The following ANKRD28 variants were observed in gnomAD, a reference collection of about 807,000 sequenced individuals.
ANKRD28 encodes serine/threonine-protein phosphatase 6 regulatory ankyrin repeat subunit A.
ANKRD28 carries 44 observed loss-of-function variants against 126.5 expected under a neutral mutation model. The observed-to-expected ratio is 0.35, with a 90% CI of 0.27 to 0.45. ANKRD28 has a LOEUF of 0.45. Among genes scored for constraint, ANKRD28 ranks in the 20% least tolerant of loss-of-function variants. The probability of loss-of-function intolerance (pLI) is 1.00; values close to 1 mark genes in which losing one functional copy is unlikely to be tolerated. For synonymous variants in ANKRD28, 442 were observed against 468.5 expected (o/e 0.94, Z 0.73); for missense variants, 1,110 against 1,316.6 (o/e 0.84, Z 2.43).
chr3:15,803,553 G>A (rs1445507733), intron 1 of ANKRD28, among the ~76,000 whole-genome samples: 1 of 151,466 alleles, frequency 6.6e-6, no homozygotes, highest in East Asian at 1.9e-4. Context: ...GGAGGTGGAG[G>A]CTGTAATGAG....
At chr3:15,745,569 T>C (rs2057421091) in intron 4 of ANKRD28, among the ~76,000 whole-genome samples, 2 of 152,232 alleles carry the variant, frequency 1.3e-5, no homozygotes, top group African/African-American at 4.8e-5. Context: ...TTGCTCTATA[T>C]ATCTATTTTT....
intron 1 of ANKRD28, among the ~76,000 whole-genome samples, chr3:15,852,384 T>C (rs2061671411): frequency 6.6e-6 from 1 of 152,260 alleles, no homozygotes; most frequent in South Asian, 2.1e-4. Context: ...TCTAAGTTTC[T>C]GAATTTCTCT....
At chr3:15,711,423 T>C (rs936279855) in intron 11 of ANKRD28, 149 bp from the exon 12 acceptor site, 27 of 595,748 alleles carry the variant, frequency 4.5e-5, no homozygotes, top group East Asian at 2.6e-4. Context: ...TAAAAGGCAA[T>C]AGGATACAAT....
At chr3:15,759,926 C>G (rs1391280196) in intron 3 of ANKRD28, among the ~76,000 whole-genome samples, 3 of 152,160 alleles carry the variant, frequency 2.0e-5, no homozygotes, top group Admixed American at 1.3e-4. Flanking sequence ...AAAGCACCTA[C>G]AGAACTCTTA....
chr3:15,676,010 C>T, intron 26 of ANKRD28, 21 bp from the exon 27 acceptor site: 2 of 1,596,822 alleles, frequency 1.3e-6, no homozygotes, highest in Middle Eastern at 1.7e-4. Context: ...AAACATGATA[C>T]ATGTACACAT....
upstream of ANKRD28, among the ~76,000 whole-genome samples, chr3:15,800,424 G>A (rs2060439794): frequency 6.6e-6 from 1 of 152,044 alleles, no homozygotes; most frequent in African/African-American, 2.4e-5. Flanking sequence ...ATAGTGTTGT[G>A]AAATCTAAAC....
intron 2 of ANKRD28, among the ~76,000 whole-genome samples, chr3:15,767,259 T>C (rs1449132865): frequency 6.6e-6 from 1 of 152,216 alleles, no homozygotes; most frequent in African/African-American, 2.4e-5. Context: ...TTTTAATTCA[T>C]AGATACCCTA....
chr3:15,667,646 C>T lies in ANKRD28; in HGVS notation c.*2624G>A, dbSNP rs2066050582. On this transcript the variant is annotated 3_prime_UTR_variant, in exon 28 of 28. Coordinates refer to ENST00000683139, the MANE Select transcript of ANKRD28 (RefSeq NM_001349278.2). ...AACAATACTGGCGTAGTTCAAATAC[C>T]ATTTGAGACAGTACTTTGGGGTTTC... 1 of 152,122 alleles carries T rather than the reference C, an allele frequency of 6.6e-6. No individual in the cohort carries two copies. The highest frequency in any genetic ancestry group is 1.5e-5 in the Non-Finnish European group (1 of 68,026). 9.4% of individuals were successfully genotyped at this position (152,122 alleles called of 1,614,324 possible). A position where few individuals can be genotyped will look rare whatever the true frequency, so the allele number is the denominator to read the frequency against.
At chr3:15,676,047 ACACACC>A in intron 26 of ANKRD28, 58 bp from the exon 27 acceptor site, 2 of 1,415,962 alleles carry the variant, frequency 1.4e-6, no homozygotes, top group Non-Finnish European at 1.9e-6. Context: ...ACATACACAT[ACACACC>A]TGGCTGTCAA....
chr3:15,836,527 G>T (rs916100985), intron 1 of ANKRD28, among the ~76,000 whole-genome samples: 1 of 152,114 alleles, frequency 6.6e-6, no homozygotes, highest in African/African-American at 2.4e-5. Context: ...CCATTAAAAA[G>T]AGAGATTGTT....
At chr3:15,746,874 T>C (rs1330061671) in intron 4 of ANKRD28, among the ~76,000 whole-genome samples, 1 of 152,210 alleles carries the variant, frequency 6.6e-6, no homozygotes, top group Non-Finnish European at 1.5e-5. Context: ...TCAATCTTGC[T>C]GCTTGTTAAT....
rs1389998544 is a variant in ANKRD28 at position 15,752,035 on chromosome 3, T to A, written c.281-215A>T. On this transcript the variant is annotated intron_variant, in intron 3 of 27. Coordinates refer to ENST00000683139, the MANE Select transcript of ANKRD28 (RefSeq NM_001349278.2). ...ATTGTCCAATAAAGTCTTAGTTTTTTAATTTAAAACAAAATAAACATCATT... is the reference window on the plus strand; with the variant it reads ...ATTGTCCAATAAAGTCTTAGTTTTTAAATTTAAAACAAAATAAACATCATT... 3.9e-5 allele frequency among the ~76,000 whole-genome samples: 6 copies of A among 152,220 alleles called. No individual in the cohort carries two copies. The South Asian group carries it at 6.2e-4, about 16-fold the overall frequency.
At chr3:15,766,111 G>A (rs2058723414) in intron 3 of ANKRD28, 123 bp downstream of exon 3, 1 of 679,534 alleles carries the variant, frequency 1.5e-6, no homozygotes, top group African/African-American at 1.8e-5. Flanking sequence ...ATAAAAATAA[G>A]TTTCAGCTGA....
intron 2 of ANKRD28, among the ~76,000 whole-genome samples, chr3:15,774,871 T>TTATG (rs1197206087): frequency 9.2e-5 from 14 of 152,118 alleles, no homozygotes; most frequent in Middle Eastern, 3.4e-3. Context: ...GGAGATTTAT[T>TTATG]TATGTATGTA....
At chr3:15,837,049 G>A (rs1430968843) in intron 1 of ANKRD28, among the ~76,000 whole-genome samples, 19 of 147,644 alleles carry the variant, frequency 1.3e-4, no homozygotes, top group African/African-American at 1.5e-4. Flanking sequence ...GCAGTGAGCC[G>A]AGGTCGCACC....
At chr3:15,703,333 A>G (rs575730954) in intron 14 of ANKRD28, among the ~76,000 whole-genome samples, 1 of 152,310 alleles carries the variant, frequency 6.6e-6, no homozygotes, top group East Asian at 1.9e-4. Flanking sequence ...GAGTGTTGCT[A>G]TGGTCTAAAT....
chr3:15,739,663 T>C (rs916192418), intron 4 of ANKRD28, among the ~76,000 whole-genome samples: 7 of 152,162 alleles, frequency 4.6e-5, no homozygotes, highest in African/African-American at 1.7e-4. Context: ...TGAAAAGTGT[T>C]AGAAAGTGAA....
At chr3:15,850,224 T>TATATATATATATATATATAGAGAG (rs1418223588) in intron 1 of ANKRD28, among the ~76,000 whole-genome samples, 18 of 35,102 alleles carry the variant, frequency 5.1e-4, no homozygotes, top group Admixed American at 1.5e-3. Context: ...TATATATATA[T>TATATATATATATATATATAGAGAG]AGAGAGAGAG....
At chr3:15,786,962 G>A (rs555066078) in intron 2 of ANKRD28, among the ~76,000 whole-genome samples, 25 of 152,024 alleles carry the variant, frequency 1.6e-4, no homozygotes, top group Middle Eastern at 6.8e-3. Context: ...AAAATTTTTT[G>A]CTTGTCCATT....
Sources: allele counts gnomAD v4.1 joint callset (sites outside exome capture counted in the v4.1 genomes callset), GRCh38; gene constraint gnomAD v4.1.1; transcripts MANE v1.5; gene names NCBI Gene and HGNC (gene_info 2026-07-23, HGNC 2026-07-21).